PDGFRL: variants seen among roughly 807,000 people sequenced by gnomAD.
PDGFRL encodes the protein platelet-derived growth factor receptor-like protein.
A neutral mutation model predicts 37.2 loss-of-function variants in PDGFRL; 46 were observed. The observed-to-expected ratio is 1.24, with a 90% CI of 0.98 to 1.58. The LOEUF (loss-of-function observed/expected upper bound fraction) is 1.58. Ranked by LOEUF, PDGFRL falls within the 40% of genes most tolerant of loss-of-function variation. The pLI, the probability that PDGFRL is intolerant of heterozygous loss-of-function variation, is 0.00. For synonymous variants in PDGFRL, 251 were observed against 184.3 expected, an observed-to-expected ratio of 1.36 and a Z score of -2.93; for missense variants, 692 against 467.6, an observed-to-expected ratio of 1.48 and a Z score of -4.43.
chr8:17,612,219 C>T (rs1028433448), intron 2 of PDGFRL, among the ~76,000 whole-genome samples: 3 of 152,170 alleles, frequency 2.0e-5, no homozygotes, highest in Admixed American at 6.5e-5. Flanking sequence ...TAAAACTAAC[C>T]TCCAGGTATT....
At chr8:17,585,315 G>A (rs1045629979) in intron 1 of PDGFRL, among the ~76,000 whole-genome samples, 4 of 152,048 alleles carry the variant, frequency 2.6e-5, no homozygotes, top group African/African-American at 9.7e-5. Flanking sequence ...TGGGAATGCT[G>A]CCCAGTGGTT....
chr8:17,618,306 T>C (rs1804568431), intron 2 of PDGFRL, among the ~76,000 whole-genome samples: 1 of 152,204 alleles, frequency 6.6e-6, no homozygotes, highest in South Asian at 2.1e-4. Context: ...TCCTCCTGCC[T>C]CAGCCTCCCA....
intron 5 of PDGFRL, among the ~76,000 whole-genome samples, chr8:17,637,842 T>C (rs1280893763): frequency 6.6e-6 from 1 of 152,208 alleles, no homozygotes; most frequent in Non-Finnish European, 1.5e-5. Context: ...CTAGGTTTTC[T>C]AGCTTGAGTA....
chr8:17,613,057 C>T (rs949412303), intron 2 of PDGFRL, among the ~76,000 whole-genome samples: 1 of 152,164 alleles, frequency 6.6e-6, no homozygotes, highest in Non-Finnish European at 1.5e-5. Context: ...GGCTGTAATA[C>T]TGTAGTAGGT....
In PDGFRL at chr8:17,607,203, A is replaced by G. The variant is rs545605254; in HGVS notation, c.354-13848A>G. On this transcript the variant is annotated intron_variant, in intron 2 of 5. Transcript: ENST00000251630. The stretch of plus-strand genomic sequence containing the variant: ...TAGACGTGTGTCTCAATCCCCTACA[A>G]ACTCTTTGTGTCCATAGCACTGTGG... Among the ~76,000 whole-genome samples, 36 of 152,066 alleles carry G rather than the reference A, an allele frequency of 2.4e-4. 1 individual carries two copies. In the South Asian group the frequency reaches 6.8e-3, roughly 29 times the overall value.
At chr8:17,633,775 C>T (rs1284118060) in intron 4 of PDGFRL, among the ~76,000 whole-genome samples, 1 of 152,188 alleles carries the variant, frequency 6.6e-6, no homozygotes, top group African/African-American at 2.4e-5. Context: ...TTCCCCCTCA[C>T]CTCTTCATTC....
chr8:17,621,725 A>G (rs1019666828), intron 3 of PDGFRL, among the ~76,000 whole-genome samples: 11 of 152,220 alleles, frequency 7.2e-5, no homozygotes, highest in Non-Finnish European at 1.6e-4. Flanking sequence ...TCTATTGGAC[A>G]GTGCTGCTGT....
chr8:17,627,733 C>G (rs1804762179), intron 3 of PDGFRL, among the ~76,000 whole-genome samples: 1 of 151,828 alleles, frequency 6.6e-6, no homozygotes, highest in Admixed American at 6.6e-5. Flanking sequence ...GCCTCGGCCT[C>G]CCAAAGTGCT....
intron 4 of PDGFRL, among the ~76,000 whole-genome samples, chr8:17,631,357 T>G (rs1413038349): frequency 6.6e-6 from 1 of 152,104 alleles, no homozygotes; most frequent in Non-Finnish European, 1.5e-5. Context: ...GCAGTGGAGC[T>G]TCTCAGCCAC....
chr8:17,577,625 A>G (rs947736211), intron 1 of PDGFRL, among the ~76,000 whole-genome samples: 1 of 151,736 alleles, frequency 6.6e-6, no homozygotes, highest in Non-Finnish European at 1.5e-5. Context: ...CCCAGTGTCA[A>G]CGTGTCGGTC....
rs1329421968 is a variant in PDGFRL at position 17,589,678 on chromosome 8, G to A, written c.266G>A (p.Gly89Glu). The A allele has an allele frequency of 6.2e-7, 1 of 1,613,394 alleles. No individual in the cohort carries two copies. Among genetic ancestry groups the A allele is most frequent in the African/African-American group, 1.3e-5 (1 of 74,878 alleles). Residue 89 changes from glycine to glutamate, a missense_variant, in exon 2 of 6, where the codon GGG becomes GAG. By Grantham distance (98) the Gly-to-Glu change is moderately conservative. Coordinates refer to ENST00000251630, the MANE Select transcript of PDGFRL (RefSeq NM_001372073.1). ...GCCGCTACCCTGAGTCTGCTGGCGG[G>A]GCAAACTGTAGAGCTTCGATGTAAA... is the stretch of plus-strand genomic sequence containing the variant. ...KPAATLSLLA[G>E]QTVELRCKGS...
rs115850015 is a variant in PDGFRL at position 17,592,598 on chromosome 8, C to G, written c.353+2833C>G. 7.0e-3 allele frequency among the ~76,000 whole-genome samples: 1,062 copies of G among 152,280 alleles called. 19 individuals are homozygous for G. Among genetic ancestry groups the G allele is most frequent in the African/African-American group, 0.024 (982 of 41,554 alleles). ...CGCTGCCCTGGGCTCCTGTGAGATT[C>G]TCAAAAGCGCCAGGCTCCTGGGGAC... is the stretch of plus-strand genomic sequence containing the variant. On this transcript the variant is annotated intron_variant, in intron 2 of 5. Transcript: ENST00000251630.
At chr8:17,634,888 G>T (rs1804938570) in intron 5 of PDGFRL, among the ~76,000 whole-genome samples, 1 of 152,062 alleles carries the variant, frequency 6.6e-6, no homozygotes, top group Admixed American at 6.6e-5. Flanking sequence ...ATTAATACCT[G>T]GGTGAGGAAA....
intron 3 of PDGFRL, among the ~76,000 whole-genome samples, chr8:17,623,095 T>C (rs1368153075): frequency 6.6e-6 from 1 of 152,170 alleles, no homozygotes; most frequent in Non-Finnish European, 1.5e-5. Context: ...GCAAAAGCTA[T>C]TTTATTATCT....
rs1356419901 is a variant in PDGFRL, at chr8:17,590,253, A to AAAAC, written c.353+491_353+492insCAAA. Among the ~76,000 whole-genome samples, 832 of 144,626 alleles carry AAAAC rather than the reference A, an allele frequency of 5.8e-3. 25 individuals are homozygous for AAAAC. The highest frequency in any genetic ancestry group is 0.021 in the African/African-American group (809 of 38,158). 94.9% of individuals were successfully genotyped at this position (144,626 alleles called of 152,430 possible). ...CTCCATCTCAAAAAAAAAAAAAAAA[A>AAAAC]AAATTGCAAATCCTACCAACATTTG... On this transcript the variant is annotated intron_variant, in intron 2 of 5. Transcript: ENST00000251630.
intron 2 of PDGFRL, among the ~76,000 whole-genome samples, chr8:17,597,079 G>A (rs548683037): frequency 2.6e-5 from 4 of 152,260 alleles, no homozygotes; most frequent in Admixed American, 2.6e-4. Context: ...GGCGTGCAGT[G>A]GCACGATCTC....
At chr8:17,595,133 A>T (rs189879405) in intron 2 of PDGFRL, among the ~76,000 whole-genome samples, 142 of 151,984 alleles carry the variant, frequency 9.3e-4, no homozygotes, top group African/African-American at 3.4e-3. Context: ...CCAGCTCTGG[A>T]TGGAGGGACA....
intron 1 of PDGFRL, among the ~76,000 whole-genome samples, chr8:17,582,318 G>T (rs1450291778): frequency 2.0e-5 from 3 of 152,204 alleles, no homozygotes; most frequent in East Asian, 1.9e-4. Flanking sequence ...AGCCGGGCAG[G>T]GTGGCTCACG....
intron 2 of PDGFRL, among the ~76,000 whole-genome samples, chr8:17,598,329 T>A (rs189048610): frequency 1.3e-5 from 2 of 152,346 alleles, no homozygotes; most frequent in Admixed American, 1.3e-4. Flanking sequence ...TTTAATTGAT[T>A]ACTTCTTTAT....
Sources: gnomAD v4.1 joint callset for allele counts (sites outside exome capture counted in the v4.1 genomes callset) on GRCh38, gnomAD v4.1.1 for gene constraint, MANE v1.5 for transcripts, NCBI Gene and HGNC (gene_info 2026-07-23, HGNC 2026-07-21) for gene names.